Variants in TNIP1 observed in about 807,000 individuals in gnomAD.
TNIP1 encodes the protein TNFAIP3 interacting protein 1, also known as TNFAIP3-interacting protein 1.
Under a neutral mutation model 86.6 loss-of-function variants are expected in TNIP1, and 22 were observed. The ratio of observed to expected loss-of-function variants is 0.25; its 90% CI spans 0.18 to 0.36. The LOEUF (loss-of-function observed/expected upper bound fraction) is 0.36. Ranked by LOEUF, TNIP1 falls within the 10% of genes least tolerant of loss-of-function variation. The pLI is 1.00. For synonymous variants in TNIP1, 294 were observed against 313.0 expected, an observed-to-expected ratio of 0.94 and a Z score of 0.64; for missense variants, 709 against 820.6, an observed-to-expected ratio of 0.86 and a Z score of 1.66.
At chr5:151,042,764 A>G in intron 10 of TNIP1, 93 bp from the exon 11 acceptor site, 1 of 1,595,094 alleles carries the variant, frequency 6.3e-7, no homozygotes, top group South Asian at 1.1e-5. Context: ...GCCCTCCAAC[A>G]CTGCCCCCAA....
chr5:151,034,347 AGACACGGAAGGCTGGTACATG>A, intron 15 of TNIP1: 1 of 218,310 alleles, frequency 4.6e-6, no homozygotes, highest in Non-Finnish European at 8.2e-6. Flanking sequence ...GCTGGTACAT[AGACACGGAAGGCTGGTACATG>A]GGCACGGAAG....
intron 4 of TNIP1, 89 bp from the exon 5 acceptor site, chr5:151,060,484 A>G: frequency 1.7e-6 from 2 of 1,149,104 alleles, no homozygotes; most frequent in Non-Finnish European, 2.6e-6. Flanking sequence ...CAAGGGGGAC[A>G]AAATCTCTTC....
In TNIP1 at chr5:151,062,137, G is replaced by C. The variant is rs1442800871; in HGVS notation, c.347C>G (p.Pro116Arg). ...PSDKPAPVQKPPSSGTSSEFE... is the reference protein window; with the variant it reads ...PSDKPAPVQKRPSSGTSSEFE... Reference sequence around the variant, plus strand: ...CCAAATAAAACTTACACTGGATGGAGGCTTCTGGACTGGTGCTGGCTTGTC... The same window carrying C: ...CCAAATAAAACTTACACTGGATGGACGCTTCTGGACTGGTGCTGGCTTGTC... The change falls in exon 4 of 18, where the codon CCT becomes CGT. Residue 116 changes from proline (P) to arginine (R), a missense_variant. By Grantham distance (103) the Pro-to-Arg change is moderately radical (BLOSUM62 -2). Coordinates refer to ENST00000521591, the MANE Select transcript of TNIP1 (RefSeq NM_006058.5). The C allele has an allele frequency of 1.2e-6, 2 of 1,614,182 alleles. No homozygotes were observed. The highest frequency in any genetic ancestry group is 1.7e-6 in the Non-Finnish European group (2 of 1,180,006).
chr5:151,086,683 C>A (rs1482439913), intron 1 of TNIP1, among the ~76,000 whole-genome samples: 1 of 152,160 alleles, frequency 6.6e-6, no homozygotes, highest in East Asian at 1.9e-4. Flanking sequence ...CACATTCTCA[C>A]ACACACAAAC....
intron 6 of TNIP1, among the ~76,000 whole-genome samples, chr5:151,052,554 C>T (rs1329061897): frequency 6.6e-6 from 1 of 152,154 alleles, no homozygotes; most frequent in East Asian, 1.9e-4. Flanking sequence ...ACTGCCGGGA[C>T]CCCTATTCCC....
chr5:151,072,987 C>T (rs1290703924), intron 1 of TNIP1, among the ~76,000 whole-genome samples: 1 of 152,012 alleles, frequency 6.6e-6, no homozygotes, highest in Non-Finnish European at 1.5e-5. Flanking sequence ...TTTGGGAGGC[C>T]GAGGTGGGCG....
At chr5:151,048,961 T>C (rs1039304237) in intron 8 of TNIP1, among the ~76,000 whole-genome samples, 41 of 152,112 alleles carry the variant, frequency 2.7e-4, no homozygotes, top group Non-Finnish European at 3.2e-4. Flanking sequence ...GCCATAGCTA[T>C]AGAATGGAAT....
intron 3 of TNIP1, among the ~76,000 whole-genome samples, chr5:151,062,446 C>T (rs1004702503): frequency 2.0e-5 from 3 of 152,202 alleles, no homozygotes; most frequent in Admixed American, 2.0e-4. Context: ...CTGGGAAAAT[C>T]CCAAGTTGGC....
At chr5:151,038,759 C>T (rs1758024176) in intron 12 of TNIP1, among the ~76,000 whole-genome samples, 1 of 152,114 alleles carries the variant, frequency 6.6e-6, no homozygotes, top group Non-Finnish European at 1.5e-5. Context: ...AGAGAAGTTG[C>T]TGGTACCTCA....
chr5:151,037,618 G>T (rs1244920199), intron 12 of TNIP1, among the ~76,000 whole-genome samples: 1 of 152,178 alleles, frequency 6.6e-6, no homozygotes, highest in Non-Finnish European at 1.5e-5. Context: ...TATAAACAGT[G>T]TGCCCACATC....
intron 8 of TNIP1, among the ~76,000 whole-genome samples, chr5:151,047,174 C>T (rs546292514): frequency 2.0e-5 from 3 of 152,332 alleles, no homozygotes; most frequent in South Asian, 2.1e-4. Context: ...AAAACACTGA[C>T]ATCATGTACC....
chr5:151,043,477 A>G (rs571350255), intron 9 of TNIP1, among the ~76,000 whole-genome samples: 2 of 152,348 alleles, frequency 1.3e-5, no homozygotes, highest in East Asian at 3.9e-4. Context: ...GCTGTTAAGA[A>G]AATAAGAAAA....
rs943597504 is a variant in TNIP1 at position 151,048,949 on chromosome 5, T to C, written c.846+875A>G. Reference sequence around the variant, plus strand: ...ATGTTACTTGACCTCTCCAAACCTATGGCCATAGCTATAGAATGGAATACT... The same window carrying C: ...ATGTTACTTGACCTCTCCAAACCTACGGCCATAGCTATAGAATGGAATACT... On this transcript the variant is annotated intron_variant, in intron 8 of 17. Transcript: ENST00000521591. Among the ~76,000 whole-genome samples the C allele has an allele frequency of 5.3e-5, 8 of 152,242 alleles. No individual in the cohort carries two copies. In the South Asian group the frequency reaches 1.7e-3, roughly 32 times the overall value.
Position 151,034,989 on chromosome 5 carries a change from C to T in TNIP1, c.1587+13G>A, listed in dbSNP as rs367692798. 79 of 1,614,002 alleles carry T rather than the reference C, an allele frequency of 4.9e-5. No individual in the cohort carries two copies. The African/African-American group carries it at 9.2e-4, about 19-fold the overall frequency. On this transcript the variant is annotated intron_variant, in intron 15 of 17. Coordinates refer to ENST00000521591, the MANE Select transcript of TNIP1 (RefSeq NM_006058.5). ...AGGATGTCAGTGCTGCTACCTCCCT[C>T]AAGCCTCCTCACCTTTGCTTTCCTC...
At chr5:151,062,498 C>A (rs1761708201) in intron 3 of TNIP1, among the ~76,000 whole-genome samples, 1 of 152,160 alleles carries the variant, frequency 6.6e-6, no homozygotes, top group Admixed American at 6.5e-5. Context: ...ATGATAAAGA[C>A]AATGATTTAC....
Position 151,042,152 on chromosome 5 carries a change from G to A in TNIP1, c.1134+388C>T, listed in dbSNP as rs111637920. Among the ~76,000 whole-genome samples the A allele has an allele frequency of 1.0e-3, 153 of 152,010 alleles. 1 individual carries two copies. The highest frequency in any genetic ancestry group is 3.4e-3 in the African/African-American group (140 of 41,446). On this transcript the variant is annotated intron_variant, in intron 11 of 17. Transcript: ENST00000521591. ...GATGGGATTTCATCATGTTGGCCACGCTGATCTTGAACTCCTGACCTCAGG... is the reference window on the plus strand; with the variant it reads ...GATGGGATTTCATCATGTTGGCCACACTGATCTTGAACTCCTGACCTCAGG...
intron 1 of TNIP1, among the ~76,000 whole-genome samples, chr5:151,073,942 CA>C (rs1181335737): frequency 6.6e-6 from 1 of 152,148 alleles, no homozygotes; most frequent in African/African-American, 2.4e-5. Context: ...TCAAAGGATA[CA>C]TACCAAACTG....
intron 1 of TNIP1, among the ~76,000 whole-genome samples, chr5:151,077,755 C>T (rs1763550405): frequency 6.6e-6 from 1 of 152,230 alleles, no homozygotes; most frequent in Admixed American, 6.5e-5. Context: ...ACCTCCATCC[C>T]CAGGATTGTG....
upstream of TNIP1, among the ~76,000 whole-genome samples, chr5:151,084,134 G>C (rs7702954): frequency 0.6 from 90,804 of 152,094 alleles, 27,879 homozygotes; most frequent in East Asian, 0.79. Flanking sequence ...TGCCAGGCTT[G>C]AAGGGTCTTT....
Sources: gnomAD v4.1 joint callset for allele counts (sites outside exome capture counted in the v4.1 genomes callset) on GRCh38, gnomAD v4.1.1 for gene constraint, MANE v1.5 for transcripts, NCBI Gene and HGNC (gene_info 2026-07-23, HGNC 2026-07-21) for gene names.